BTD: variants seen among roughly 807,000 people sequenced by gnomAD.
The protein encoded by BTD is biocytinase.
Under a neutral mutation model 17.7 loss-of-function variants are expected in BTD, and 13 were observed. The observed-to-expected ratio is 0.74, with a 90% CI of 0.48 to 1.17. BTD has a LOEUF of 1.17. Among genes scored for constraint, BTD ranks in the 50% most tolerant of loss-of-function variants. The pLI, the probability that BTD is intolerant of heterozygous loss-of-function variation, is 0.00. For synonymous variants in BTD, 240 were observed against 245.2 expected (o/e 0.98, Z 0.20); for missense variants, 674 against 650.4 (o/e 1.04, Z -0.39).
chr3:15,664,953 C>G (rs1017001286), intron 3 of BTD, among the ~76,000 whole-genome samples: 1 of 152,110 alleles, frequency 6.6e-6, no homozygotes, highest in African/African-American at 2.4e-5. Context: ...ACTAACCCCC[C>G]ACGGCATGCA....
downstream of BTD, among the ~76,000 whole-genome samples, chr3:15,654,675 G>A (rs774107101): frequency 1.4e-4 from 21 of 151,016 alleles, no homozygotes; most frequent in Middle Eastern, 3.5e-3. Flanking sequence ...GGGTTCAAGC[G>A]ATTCTCCTTC....
chr3:15,695,107 A>G, intron 3 of BTD: 2 of 1,156,208 alleles, frequency 1.7e-6, no homozygotes, highest in Non-Finnish European at 2.6e-6. Context: ...TTCAGCTCTA[A>G]TGAGAGCAAA....
At position 15,647,622 on chromosome 3, in the gene BTD, C is replaced by G. The variant is rs1460134591; in HGVS notation, c.*2134C>G. 2 of 152,156 alleles carry G rather than the reference C, an allele frequency of 1.3e-5. No individual in the cohort carries two copies. Among genetic ancestry groups the G allele is most frequent in the African/African-American group, 4.8e-5 (2 of 41,440 alleles). The allele number at this position is 152,156 out of a possible 1,614,324, so 9.4% of individuals were successfully genotyped here. On this transcript the variant is annotated 3_prime_UTR_variant, in exon 4 of 4. Transcript: ENST00000643237. ...CAAAGTAGAGGACGGGAAAATAAAT[C>G]ATTTTCAGGGAAAAAATATATCTAT... is the stretch of plus-strand genomic sequence containing the variant.
intron 1 of BTD, chr3:15,602,211 T>A: frequency 7.3e-7 from 1 of 1,366,382 alleles, no homozygotes; most frequent in South Asian, 1.7e-5. Flanking sequence ...AAAATGACGC[T>A]CAGAGTCAGT....
intron 4 of BTD, among the ~76,000 whole-genome samples, chr3:15,719,341 AT>A: frequency 6.6e-6 from 1 of 152,134 alleles, no homozygotes; most frequent in Middle Eastern, 3.2e-3. Flanking sequence ...AAGCTTAAAC[AT>A]TTTTACTAAT....
rs1188635208 is a variant in BTD, at chr3:15,673,417, A to AT, written c.399+31363dup. Among the ~76,000 whole-genome samples the AT allele has an allele frequency of 3.3e-5, 5 of 152,236 alleles. No individual in the cohort carries two copies. The East Asian group carries it at 9.6e-4, about 29-fold the overall frequency. On this transcript the variant is annotated intron_variant, in intron 3 of 3. Transcript: ENST00000672141. ...CTGAGCCTCCACTTGCTCAGGCACT[A>AT]TTTAGAACACTAAGAATATATCAGT... is the stretch of plus-strand genomic sequence containing the variant.
chr3:15,607,474 G>A (rs1330663527), intron 1 of BTD, among the ~76,000 whole-genome samples: 3 of 152,340 alleles, frequency 2.0e-5, no homozygotes, highest in Middle Eastern at 3.4e-3. Flanking sequence ...AGTGCCTGGA[G>A]ACAATTTATT....
intron 1 of BTD, chr3:15,631,594 A>G: frequency 1.9e-6 from 2 of 1,080,536 alleles, no homozygotes; most frequent in Non-Finnish European, 1.4e-6. Flanking sequence ...GATTTTTCCT[A>G]TTAGATGGAA....
upstream of BTD, chr3:15,601,544 C>T (rs1006795587): frequency 6.2e-7 from 1 of 1,605,134 alleles, no homozygotes; most frequent in South Asian, 1.1e-5. Flanking sequence ...AAATCGGCAG[C>T]ACGCCACCTC....
intron 1 of BTD, among the ~76,000 whole-genome samples, chr3:15,613,962 A>G (rs867432075): frequency 1.3e-5 from 2 of 151,376 alleles, no homozygotes; most frequent in African/African-American, 4.9e-5. Context: ...TTCTTCAAAT[A>G]TTTCGTGTTC....
rs1288047153 is a variant in BTD, at chr3:15,696,353, T to C, written c.400-13707T>C. On this transcript the variant is annotated intron_variant, in intron 3 of 3. Transcript: ENST00000672141. ...GACAATTTTTCTTATACTTGAGTAATATAAAAATCATAAATGTATTACACT... is the reference window on the plus strand; with the variant it reads ...GACAATTTTTCTTATACTTGAGTAACATAAAAATCATAAATGTATTACACT... The C allele has an allele frequency of 1.1e-5, 7 of 660,242 alleles. No individual in the cohort carries two copies. The East Asian group carries it at 2.0e-4, about 19-fold the overall frequency. 40.9% of individuals were successfully genotyped at this position (660,242 alleles called of 1,614,324 possible).
chr3:15,644,958 G>T lies in BTD; in HGVS notation c.1042G>T (p.Asp348Tyr), dbSNP rs769903360. 6.2e-7 allele frequency: 1 copy of T among 1,614,030 alleles called. No homozygotes were observed. The highest frequency in any genetic ancestry group is 1.7e-5 in the Admixed American group (1 of 60,004). Residue 348 changes from aspartate to tyrosine, a missense_variant, in exon 4 of 4, where the codon GAT becomes TAT. By Grantham distance (160) the Asp-to-Tyr change is radical (BLOSUM62 -3). Transcript: ENST00000643237. ...TAAGTTTTTAAAAATTTTGTCAGGC[G>T]ATCCGTACTGTGAGAAGGATGCTCA... ...HSKFLKILSGDPYCEKDAQEV... is the reference protein window; with the variant it reads ...HSKFLKILSGYPYCEKDAQEV...
chr3:15,676,878 G>A, intron 3 of BTD: 1 of 988,070 alleles, frequency 1.0e-6, no homozygotes, highest in Non-Finnish European at 1.5e-6. Flanking sequence ...TATGACTAAT[G>A]AAACCTATTC....
chr3:15,679,350 T>C (rs1031300942), intron 3 of BTD: 3 of 1,614,008 alleles, frequency 1.9e-6, no homozygotes, highest in Non-Finnish European at 2.5e-6. Flanking sequence ...AATGTATCAA[T>C]TAACATCTCA....
chr3:15,654,451 C>T (rs1254385073), downstream of BTD, among the ~76,000 whole-genome samples: 1 of 152,056 alleles, frequency 6.6e-6, no homozygotes, highest in African/African-American at 2.4e-5. Flanking sequence ...GCCATGAGGA[C>T]TCACTGAGGG....
At chr3:15,686,852 T>A (rs1219003904) in intron 3 of BTD, among the ~76,000 whole-genome samples, 1 of 151,952 alleles carries the variant, frequency 6.6e-6, no homozygotes, top group Non-Finnish European at 1.5e-5. Flanking sequence ...TCCCACAACA[T>A]GAATGCAAAT....
At chr3:15,720,300 A>G (rs927376274) in intron 4 of BTD, among the ~76,000 whole-genome samples, 1 of 152,176 alleles carries the variant, frequency 6.6e-6, no homozygotes, top group Admixed American at 6.5e-5. Flanking sequence ...ATTTGAAAAG[A>G]TCTGTAGAGT....
At chr3:15,643,500 C>T (rs1159090253) in intron 3 of BTD, among the ~76,000 whole-genome samples, 1 of 144,742 alleles carries the variant, frequency 6.9e-6, no homozygotes. Flanking sequence ...GACCCTGCCT[C>T]AAAAAAAAAA....
intron 3 of BTD, among the ~76,000 whole-genome samples, chr3:15,661,546 A>G (rs1419806012): frequency 1.3e-5 from 2 of 152,070 alleles, no homozygotes; most frequent in Admixed American, 6.6e-5. Context: ...TATATTTTGG[A>G]TAATAGTTCT....
Sources: allele counts gnomAD v4.1 joint callset (sites outside exome capture counted in the v4.1 genomes callset), GRCh38; gene constraint gnomAD v4.1.1; transcripts MANE v1.5; gene names NCBI Gene and HGNC (gene_info 2026-07-23, HGNC 2026-07-21).